Variants in MS4A4A observed in about 807,000 individuals in gnomAD.
MS4A4A encodes membrane spanning 4-domains A4A.
Under a neutral mutation model 28.0 loss-of-function variants are expected in MS4A4A, and 26 were observed. The observed-to-expected ratio is 0.93, with a 90% CI of 0.68 to 1.29. The LOEUF (loss-of-function observed/expected upper bound fraction) is 1.29. MS4A4A is among the 50% of genes most tolerant of loss of function. The pLI, the probability that MS4A4A is intolerant of heterozygous loss-of-function variation, is 0.00. For synonymous variants in MS4A4A, 86 were observed against 100.8 expected (o/e 0.85, Z 0.88); for missense variants, 290 against 293.1 (o/e 0.99, Z 0.08).
At chr11:60,291,057 T>C (rs2084851608) in intron 1 of MS4A4A, among the ~76,000 whole-genome samples, 1 of 152,230 alleles carries the variant, frequency 6.6e-6, no homozygotes, top group South Asian at 2.1e-4. Context: ...TTATGGAAGT[T>C]GATCATGAAA....
chr11:60,294,570 AG>A (rs1488700992), intron 2 of MS4A4A, among the ~76,000 whole-genome samples: 1 of 152,108 alleles, frequency 6.6e-6, no homozygotes, highest in Non-Finnish European at 1.5e-5. Context: ...GTTATCTGTT[AG>A]GAGTTTTATA....
At position 60,303,299 on chromosome 11, in the gene MS4A4A, C is replaced by G. The variant is rs536996280; in HGVS notation, c.546+582C>G. 2.0e-5 allele frequency among the ~76,000 whole-genome samples: 3 copies of G among 152,300 alleles called. No individual in the cohort carries two copies. In the East Asian group the frequency reaches 5.8e-4, roughly 29 times the overall value. On this transcript the variant is annotated intron_variant, in intron 5 of 6. Transcript: ENST00000337908. Reference sequence around the variant, plus strand: ...CTTTATTCTGAAAATGCCACCTACACAATATTTTGTAGGTAGTAAAACTTC... The same window carrying G: ...CTTTATTCTGAAAATGCCACCTACAGAATATTTTGTAGGTAGTAAAACTTC...
intron 1 of MS4A4A, among the ~76,000 whole-genome samples, chr11:60,288,342 G>T (rs867849276): frequency 6.6e-6 from 1 of 152,174 alleles, no homozygotes; most frequent in Non-Finnish European, 1.5e-5. Context: ...TGTGGAGCTG[G>T]GGTCTTAGGC....
chr11:60,306,205 A>G lies in MS4A4A; in HGVS notation c.648+4A>G, dbSNP rs375824641. On this transcript the variant is annotated splice_donor_region_variant and intron_variant, in intron 6 of 6. Transcript: ENST00000337908. ...GCTCTGTTGTACCCCTGGTGGGGTGAGTATTGGCCTTCATTTGAAGATGAC... is the reference window on the plus strand; with the variant it reads ...GCTCTGTTGTACCCCTGGTGGGGTGGGTATTGGCCTTCATTTGAAGATGAC... The G allele has an allele frequency of 4.4e-6, 7 of 1,598,230 alleles. No homozygotes were observed. Among genetic ancestry groups the G allele is most frequent in the Non-Finnish European group, 6.0e-6 (7 of 1,165,722 alleles).
chr11:60,300,631 A>G (rs11230238), intron 3 of MS4A4A, among the ~76,000 whole-genome samples: 51,796 of 142,758 alleles, frequency 0.36, 11,306 homozygotes, highest in Non-Finnish European at 0.44. Context: ...AAAAAAAAAA[A>G]AAAAAAAAAA....
chr11:60,289,449 C>T (rs1209532838), intron 1 of MS4A4A, among the ~76,000 whole-genome samples: 2 of 152,108 alleles, frequency 1.3e-5, no homozygotes, highest in Non-Finnish European at 2.9e-5. Context: ...TGTTTTATCT[C>T]CTTCTTCATG....
intron 1 of MS4A4A, among the ~76,000 whole-genome samples, chr11:60,284,769 G>C (rs2084789342): frequency 6.6e-6 from 1 of 152,174 alleles, no homozygotes; most frequent in Non-Finnish European, 1.5e-5. Flanking sequence ...CATCCTCTGA[G>C]CAGAACACAA....
chr11:60,302,420 A>C (rs2135030738), intron 4 of MS4A4A, 139 bp from the exon 5 acceptor site: 2 of 870,500 alleles, frequency 2.3e-6, no homozygotes, highest in South Asian at 1.8e-5. Context: ...TTGAAACCAC[A>C]AGACAAGTTA....
intron 6 of MS4A4A, among the ~76,000 whole-genome samples, chr11:60,307,167 A>G (rs987803819): frequency 6.6e-6 from 1 of 152,194 alleles, no homozygotes; most frequent in Admixed American, 6.5e-5. Context: ...CAACAGCCAA[A>G]TAATAAAATA....
intron 3 of MS4A4A, among the ~76,000 whole-genome samples, chr11:60,297,629 C>T (rs2084917805): frequency 6.6e-6 from 1 of 152,144 alleles, no homozygotes; most frequent in Admixed American, 6.6e-5. Flanking sequence ...AGACTAGTGG[C>T]TTATCATTTC....
At chr11:60,284,309 T>C (rs1211346207) in intron 1 of MS4A4A, among the ~76,000 whole-genome samples, 1 of 152,220 alleles carries the variant, frequency 6.6e-6, no homozygotes, top group Admixed American at 6.5e-5. Flanking sequence ...TATTGACTAT[T>C]ATTACTGGTA....
intron 5 of MS4A4A, among the ~76,000 whole-genome samples, chr11:60,304,451 T>G (rs1190582340): frequency 6.6e-6 from 1 of 152,188 alleles, no homozygotes; most frequent in Non-Finnish European, 1.5e-5. Flanking sequence ...TTTCCCAGAG[T>G]CCATGATGAA....
intron 1 of MS4A4A, among the ~76,000 whole-genome samples, chr11:60,283,889 C>T (rs765304242): frequency 2.0e-5 from 3 of 152,242 alleles, no homozygotes; most frequent in Non-Finnish European, 2.9e-5. Context: ...CAAACCACCT[C>T]ACAAATTCCA....
chr11:60,306,173 G>A lies in MS4A4A; in HGVS notation c.620G>A (p.Cys207Tyr). 1.9e-6 allele frequency: 3 copies of A among 1,613,998 alleles called. No homozygotes were observed. The highest frequency in any genetic ancestry group is 1.7e-6 in the Non-Finnish European group (2 of 1,179,818). The part of the protein sequence containing the change: ...CIAVSLSAFG[C>Y]KVLCCTPGGV... ...GCTGTGTCCCTCTCTGCCTTTGGAT[G>A]TAAAGTGCTCTGTTGTACCCCTGGT... Residue 207 changes from cysteine to tyrosine, a missense_variant, in exon 6 of 7, where the codon TGT becomes TAT. Transcript: ENST00000337908.
rs1330136154 is a variant in MS4A4A at position 60,289,719 on chromosome 11, C to G, written c.42-2506C>G. Reference sequence around the variant, plus strand: ...ATATTGTAGACCTTTTAATTCTACACTTCTAATCTTTTAACCTCCCTTCTA... The same window carrying G: ...ATATTGTAGACCTTTTAATTCTACAGTTCTAATCTTTTAACCTCCCTTCTA... On this transcript the variant is annotated intron_variant, in intron 1 of 6. Coordinates refer to ENST00000337908, the MANE Select transcript of MS4A4A (RefSeq NM_148975.3). Among the ~76,000 whole-genome samples the G allele has an allele frequency of 2.6e-5, 4 of 151,792 alleles. No individual in the cohort carries two copies. In the East Asian group the frequency reaches 7.7e-4, roughly 29 times the overall value.
At chr11:60,299,564 C>A (rs2084934099) in intron 3 of MS4A4A, among the ~76,000 whole-genome samples, 1 of 151,714 alleles carries the variant, frequency 6.6e-6, no homozygotes, top group South Asian at 2.1e-4. Context: ...CCTCCGCCTC[C>A]CGGGTTCTCA....
At chr11:60,297,377 A>G in intron 3 of MS4A4A, 52 bp downstream of exon 3, 2 of 1,592,308 alleles carry the variant, frequency 1.3e-6, no homozygotes, top group Non-Finnish European at 1.7e-6. Flanking sequence ...GCAGTTGTCA[A>G]TACCCTGATC....
chr11:60,296,362 T>G (rs547981217), intron 2 of MS4A4A, among the ~76,000 whole-genome samples: 2 of 152,030 alleles, frequency 1.3e-5, no homozygotes, highest in Admixed American at 6.5e-5. Flanking sequence ...CTCTTTTTCT[T>G]AGGCTGGCTA....
intron 2 of MS4A4A, 178 bp from the exon 3 acceptor site, chr11:60,297,019 A>G: frequency 1.4e-6 from 1 of 727,174 alleles, no homozygotes. Flanking sequence ...GAGAGATAAT[A>G]TTGGTAAGAT....
Sources: allele counts gnomAD v4.1 joint callset (sites outside exome capture counted in the v4.1 genomes callset), GRCh38; gene constraint gnomAD v4.1.1; transcripts MANE v1.5; gene names NCBI Gene and HGNC (gene_info 2026-07-23, HGNC 2026-07-21).